The following ANGPT1 variants were observed in gnomAD, a reference collection of about 807,000 sequenced individuals.
ANGPT1 encodes angiopoietin 1.
In ANGPT1, 17 loss-of-function variants were observed where a neutral mutation model predicts 62.2. The ratio of observed to expected loss-of-function variants is 0.27; its 90% CI spans 0.19 to 0.41. The LOEUF (loss-of-function observed/expected upper bound fraction) is 0.41, where lower values mean the gene tolerates loss of function less well. Ranked by LOEUF, ANGPT1 falls within the 10% of genes least tolerant of loss-of-function variation. The probability of loss-of-function intolerance (pLI) is 1.00; values close to 1 mark genes in which losing one functional copy is unlikely to be tolerated. For synonymous variants in ANGPT1, 199 were observed against 198.9 expected, an observed-to-expected ratio of 1.00 and a Z score of 0.00; for missense variants, 478 against 594.9, an observed-to-expected ratio of 0.80 and a Z score of 2.04.
chr8:107,279,245 A>G (rs949978550), intron 7 of ANGPT1, among the ~76,000 whole-genome samples: 2 of 152,242 alleles, frequency 1.3e-5, no homozygotes, highest in African/African-American at 4.8e-5. Flanking sequence ...GGTAATAAAA[A>G]TAGTGATGCA....
intron 1 of ANGPT1, among the ~76,000 whole-genome samples, chr8:107,405,058 T>TA (rs1240299273): frequency 2.6e-5 from 4 of 151,974 alleles, no homozygotes; most frequent in Non-Finnish European, 4.4e-5. Flanking sequence ...TATTCATCTA[T>TA]AAAAAATATA....
intron 2 of ANGPT1, among the ~76,000 whole-genome samples, chr8:107,343,860 G>A (rs913384114): frequency 3.3e-5 from 5 of 152,086 alleles, no homozygotes; most frequent in African/African-American, 7.2e-5. Context: ...CTAGGAGGTC[G>A]AGACCAGCCT....
intron 1 of ANGPT1, among the ~76,000 whole-genome samples, chr8:107,485,269 G>A (rs560940487): frequency 4.6e-5 from 7 of 152,274 alleles, no homozygotes; most frequent in Admixed American, 2.6e-4. Context: ...GTGAATATGC[G>A]CTGAGTTGTT....
chr8:107,349,142 A>ATAGG (rs1264245480), intron 1 of ANGPT1, among the ~76,000 whole-genome samples: 16 of 151,822 alleles, frequency 1.1e-4, no homozygotes, highest in Non-Finnish European at 1.5e-5. Flanking sequence ...AGATAGATAG[A>ATAGG]TAGATAGATA....
chr8:107,298,637 T>G (rs908323198), intron 5 of ANGPT1, among the ~76,000 whole-genome samples: 2 of 151,548 alleles, frequency 1.3e-5, no homozygotes, highest in Non-Finnish European at 3.0e-5. Context: ...TCAAAGACAT[T>G]TTTTTTTGGC....
intron 5 of ANGPT1, among the ~76,000 whole-genome samples, chr8:107,300,025 T>TATA (rs1814543867): frequency 1.4e-5 from 2 of 142,240 alleles, no homozygotes; most frequent in Non-Finnish European, 3.1e-5. Flanking sequence ...AGATATGTAG[T>TATA]TATATCTAGA....
intron 8 of ANGPT1, among the ~76,000 whole-genome samples, chr8:107,257,438 T>C (rs1813383731): frequency 3.3e-5 from 5 of 152,174 alleles, no homozygotes; most frequent in Admixed American, 3.3e-4. Context: ...ACTCAGGAAG[T>C]TCAACTTTAT....
At chr8:107,388,934 G>T (rs181843484) in intron 1 of ANGPT1, among the ~76,000 whole-genome samples, 1 of 152,146 alleles carries the variant, frequency 6.6e-6, no homozygotes, top group African/African-American at 2.4e-5. Flanking sequence ...GTTCAAAGGA[G>T]CCTGACATAT....
intron 3 of ANGPT1, among the ~76,000 whole-genome samples, chr8:107,326,472 CCCTT>C (rs955713567): frequency 3.9e-5 from 6 of 152,048 alleles, no homozygotes; most frequent in African/African-American, 1.4e-4. Flanking sequence ...CTCTTCTTGA[CCCTT>C]CCATTTCTTT....
At chr8:107,288,196 T>C (rs1170172686) in intron 6 of ANGPT1, among the ~76,000 whole-genome samples, 2 of 152,180 alleles carry the variant, frequency 1.3e-5, no homozygotes. Context: ...AGTATTGTCA[T>C]TTTAATCCAA....
At chr8:107,343,120 G>A (rs1156362963) in intron 2 of ANGPT1, among the ~76,000 whole-genome samples, 1 of 151,700 alleles carries the variant, frequency 6.6e-6, no homozygotes, top group East Asian at 1.9e-4. Context: ...TTTAGGTGCG[G>A]GCCACTCTAC....
chr8:107,458,097 T>C (rs941069942), intron 1 of ANGPT1, among the ~76,000 whole-genome samples: 1 of 152,166 alleles, frequency 6.6e-6, no homozygotes, highest in Non-Finnish European at 1.5e-5. Context: ...ACAATTATTG[T>C]CCATGTGTAG....
chr8:107,262,566 C>T (rs184499536), intron 8 of ANGPT1, among the ~76,000 whole-genome samples: 15 of 152,260 alleles, frequency 9.9e-5, no homozygotes, highest in Non-Finnish European at 1.5e-5. Context: ...TGTGCAGAAA[C>T]ACGTAATATG....
intron 1 of ANGPT1, among the ~76,000 whole-genome samples, chr8:107,422,950 G>C (rs1248708959): frequency 6.6e-6 from 1 of 152,158 alleles, no homozygotes; most frequent in African/African-American, 2.4e-5. Context: ...ATTTCAGGTT[G>C]TATATAAAGA....
At position 107,335,136 on chromosome 8, in the gene ANGPT1, A is replaced by C. The variant is rs182310484; in HGVS notation, c.575+1014T>G. Among the ~76,000 whole-genome samples, 426 of 152,304 alleles carry C rather than the reference A, an allele frequency of 2.8e-3. 6 individuals carry two copies. The highest frequency in any genetic ancestry group is 0.021 in the Admixed American group (328 of 15,298). On this transcript the variant is annotated intron_variant, in intron 3 of 8. Coordinates refer to ENST00000517746, the MANE Select transcript of ANGPT1 (RefSeq NM_001146.5). ...TATAGTGGAAAGATCCTGACACCTA[A>C]ATTACATTCCAATTTCGGCCACTAG...
At chr8:107,360,487 G>GT (rs750059138) in intron 1 of ANGPT1, among the ~76,000 whole-genome samples, 16 of 152,114 alleles carry the variant, frequency 1.1e-4, no homozygotes, top group Non-Finnish European at 2.1e-4. Flanking sequence ...CATGTTCTTG[G>GT]TTAGGGCAAG....
Position 107,489,937 on chromosome 8 carries a change from TA to T in ANGPT1, c.297+7324del, listed in dbSNP as rs201079189. Among the ~76,000 whole-genome samples the T allele has an allele frequency of 9.7e-3, 1,338 of 138,548 alleles. 4 individuals carry two copies. The highest frequency in any genetic ancestry group is 0.012 in the Non-Finnish European group (759 of 63,532). 90.9% of individuals were successfully genotyped at this position (138,548 alleles called of 152,430 possible). A position where few individuals can be genotyped will look rare whatever the true frequency, so the allele number is the denominator to read the frequency against. ...AATGACACAATATAGCTTGCGGTATTAAAAAAAAAAAAAGAAGAAAAGAAAA... is the reference window on the plus strand; with the variant it reads ...AATGACACAATATAGCTTGCGGTATTAAAAAAAAAAAAGAAGAAAAGAAAA... On this transcript the variant is annotated intron_variant, in intron 1 of 8. Transcript: ENST00000517746.
At chr8:107,439,466 G>A (rs1653792829) in intron 1 of ANGPT1, among the ~76,000 whole-genome samples, 1 of 152,160 alleles carries the variant, frequency 6.6e-6, no homozygotes, top group Non-Finnish European at 1.5e-5. Context: ...ACAGGGACAA[G>A]AGCCATCTTT....
chr8:107,440,676 G>A (rs963318003), intron 1 of ANGPT1, among the ~76,000 whole-genome samples: 9 of 152,250 alleles, frequency 5.9e-5, no homozygotes, highest in Admixed American at 1.3e-4. Flanking sequence ...GAAAACCAAA[G>A]GTCTTCTACA....
Sources: allele counts gnomAD v4.1 joint callset (sites outside exome capture counted in the v4.1 genomes callset), GRCh38; gene constraint gnomAD v4.1.1; transcripts MANE v1.5; gene names NCBI Gene and HGNC (gene_info 2026-07-23, HGNC 2026-07-21).